Variants in RTTN observed in about 807,000 individuals in gnomAD.
RTTN encodes rotatin.
Under a neutral mutation model 269.2 loss-of-function variants are expected in RTTN, and 182 were observed. That is an observed-to-expected ratio of 0.68 (90% CI 0.60 to 0.76). The LOEUF (loss-of-function observed/expected upper bound fraction) is 0.76. RTTN is among the 30% of genes least tolerant of loss of function. The pLI is 0.00. For missense variants in RTTN, 2,545 were observed against 2,608.6 expected, an observed-to-expected ratio of 0.98 and a Z score of 0.53; for synonymous variants, 1,006 against 963.5, an observed-to-expected ratio of 1.04 and a Z score of -0.82.
intron 28 of RTTN, among the ~76,000 whole-genome samples, chr18:70,094,107 C>T (rs1053988430): frequency 4.0e-5 from 6 of 150,358 alleles, no homozygotes; most frequent in Non-Finnish European, 7.4e-5. Flanking sequence ...CACTCTCTGA[C>T]GGTAGTTTGG....
At chr18:70,107,668 TAGA>T (rs966023856) in intron 28 of RTTN, among the ~76,000 whole-genome samples, 12 of 152,058 alleles carry the variant, frequency 7.9e-5, no homozygotes, top group African/African-American at 2.7e-4. Flanking sequence ...AAACTAAAAG[TAGA>T]AGGAGATAAT....
intron 23 of RTTN, chr18:70,130,088 C>A (rs2059961238): frequency 1.3e-5 from 2 of 151,746 alleles, no homozygotes; most frequent in Non-Finnish European, 2.9e-5. Flanking sequence ...ATATCTCACC[C>A]CAGTTAAAAA....
chr18:70,110,681 A>C (rs940470228), intron 27 of RTTN, among the ~76,000 whole-genome samples: 1 of 152,156 alleles, frequency 6.6e-6, no homozygotes, highest in Non-Finnish European at 1.5e-5. Context: ...CCCATACCCC[A>C]GTGGCGCCTG....
chr18:70,035,469 C>T (rs2057144347), intron 40 of RTTN, among the ~76,000 whole-genome samples: 1 of 152,292 alleles, frequency 6.6e-6, no homozygotes, highest in African/African-American at 2.4e-5. Context: ...GAAAGAACTC[C>T]CTGTTCGATA....
chr18:70,127,469 C>T (rs962648873), intron 25 of RTTN, 33 bp downstream of exon 25: 2 of 1,606,402 alleles, frequency 1.2e-6, no homozygotes, highest in Non-Finnish European at 1.7e-6. Context: ...CAATCCAGGT[C>T]TTTGAAACTG....
rs541584589 is a variant in RTTN, at chr18:70,176,064, T to C, written c.1476+611A>G. 8.5e-5 allele frequency among the ~76,000 whole-genome samples: 13 copies of C among 152,208 alleles called. No individual in the cohort carries two copies. In the South Asian group the frequency reaches 2.5e-3, roughly 29 times the overall value. On this transcript the variant is annotated intron_variant, in intron 11 of 48. Transcript: ENST00000640769. Reference sequence around the variant, plus strand: ...AAGATACAAGTGTACCAATTATATATGTATATATGTATGGAAAAATGTATT... The same window carrying C: ...AAGATACAAGTGTACCAATTATATACGTATATATGTATGGAAAAATGTATT...
intron 19 of RTTN, among the ~76,000 whole-genome samples, chr18:70,141,367 C>A (rs766680672): frequency 1.3e-5 from 2 of 152,110 alleles, no homozygotes; most frequent in Non-Finnish European, 2.9e-5. Context: ...AACAACACTA[C>A]AAACAAAGCT....
At chr18:70,061,965 G>T (rs1441362869) in intron 35 of RTTN, among the ~76,000 whole-genome samples, 1 of 152,036 alleles carries the variant, frequency 6.6e-6, no homozygotes, top group Non-Finnish European at 1.5e-5. Flanking sequence ...AAAAATTCTG[G>T]CTTTCATTGT....
chr18:70,156,770 C>T (rs560818163), intron 14 of RTTN, among the ~76,000 whole-genome samples: 7 of 152,272 alleles, frequency 4.6e-5, no homozygotes, highest in African/African-American at 1.4e-4. Context: ...AACTACGTGA[C>T]TATTGGGGCA....
At chr18:70,048,434 A>G (rs1371077005) in intron 39 of RTTN, among the ~76,000 whole-genome samples, 3 of 152,236 alleles carry the variant, frequency 2.0e-5, no homozygotes, top group African/African-American at 7.2e-5. Flanking sequence ...GTGGTCATGA[A>G]CTGATTCACA....
intron 34 of RTTN, among the ~76,000 whole-genome samples, chr18:70,070,727 T>C (rs1217732574): frequency 6.6e-6 from 1 of 152,180 alleles, no homozygotes; most frequent in Admixed American, 6.5e-5. Context: ...TAGCTTTCCG[T>C]CCCACATTCT....
At chr18:70,172,185 T>C (rs79382867) in intron 11 of RTTN, among the ~76,000 whole-genome samples, 2,946 of 152,322 alleles carry the variant, frequency 0.019, 92 homozygotes, top group African/African-American at 0.066. Context: ...ATTACCAACG[T>C]ATCATTTTAA....
rs1378172590 is a variant in RTTN at position 70,156,454 on chromosome 18, C to T, written c.1930-5721G>A. Among the ~76,000 whole-genome samples, 6 of 152,204 alleles carry T rather than the reference C, an allele frequency of 3.9e-5. No individual in the cohort carries two copies. The East Asian group carries it at 9.6e-4, about 24-fold the overall frequency. On this transcript the variant is annotated intron_variant, in intron 14 of 48. Transcript: ENST00000640769. ...TTATCAATGACAATGGTGCCCAAAA[C>T]TTCATTAGCAATTTTAATTTTGCCT...
intron 25 of RTTN, 126 bp downstream of exon 25, chr18:70,127,375 TC>T: frequency 9.0e-7 from 1 of 1,110,730 alleles, no homozygotes; most frequent in East Asian, 2.4e-5. Flanking sequence ...ATGATAAAAA[TC>T]CTGGAGTTTT....
At chr18:70,126,856 C>A (rs17082128) in intron 25 of RTTN, among the ~76,000 whole-genome samples, 4,341 of 152,128 alleles carry the variant, frequency 0.029, 233 homozygotes, top group African/African-American at 0.099. Flanking sequence ...ACTCATTTAA[C>A]CTAGCAGCTT....
chr18:70,159,793 A>C (rs1373849464), intron 14 of RTTN, among the ~76,000 whole-genome samples: 1 of 152,060 alleles, frequency 6.6e-6, no homozygotes, highest in Non-Finnish European at 1.5e-5. Context: ...ATTAAGAAAA[A>C]CTCTATGCAT....
At chr18:70,036,555 T>C (rs1017524933) in intron 40 of RTTN, among the ~76,000 whole-genome samples, 1 of 151,984 alleles carries the variant, frequency 6.6e-6, no homozygotes, top group Non-Finnish European at 1.5e-5. Context: ...GGGTGAAGGG[T>C]AGCAGGAGGG....
chr18:70,140,039 T>A, intron 20 of RTTN, 61 bp downstream of exon 20: 1 of 1,123,532 alleles, frequency 8.9e-7, no homozygotes, highest in Non-Finnish European at 1.3e-6. Flanking sequence ...CTCAGTTCAA[T>A]TTCAGATCTG....
chr18:70,103,191 C>A (rs988864983), intron 28 of RTTN, among the ~76,000 whole-genome samples: 5 of 152,144 alleles, frequency 3.3e-5, no homozygotes, highest in Non-Finnish European at 7.3e-5. Flanking sequence ...GCGCCTCTGC[C>A]TGGCCGCTGT....
Sources: allele counts gnomAD v4.1 joint callset (sites outside exome capture counted in the v4.1 genomes callset), GRCh38; gene constraint gnomAD v4.1.1; transcripts MANE v1.5; gene names NCBI Gene and HGNC (gene_info 2026-07-23, HGNC 2026-07-21).